NLGN1: variants seen among roughly 807,000 people sequenced by gnomAD.
NLGN1 encodes neuroligin-1.
A neutral mutation model predicts 65.5 loss-of-function variants in NLGN1; 12 were observed. That is an observed-to-expected ratio of 0.18 (90% CI 0.12 to 0.30). NLGN1 has a LOEUF of 0.30. Ranked by LOEUF, NLGN1 falls within the 10% of genes least tolerant of loss-of-function variation. NLGN1 has a pLI of 1.00. For synonymous variants in NLGN1, 350 were observed against 359.5 expected (o/e 0.97, Z 0.30); for missense variants, 750 against 1,007.1 (o/e 0.74, Z 3.46).
intron 3 of NLGN1, among the ~76,000 whole-genome samples, chr3:173,774,836 A>G (rs1780067482): frequency 6.6e-6 from 1 of 152,016 alleles, no homozygotes; most frequent in Admixed American, 6.6e-5. Flanking sequence ...GCCCCCTCGC[A>G]CGCACATTCT....
At chr3:173,890,167 T>G (rs1329754865) in intron 4 of NLGN1, among the ~76,000 whole-genome samples, 1 of 152,152 alleles carries the variant, frequency 6.6e-6, no homozygotes, top group Non-Finnish European at 1.5e-5. Context: ...TGCATTAACT[T>G]GGGTTGCAGG....
chr3:173,933,853 A>AC (rs1744572451), intron 4 of NLGN1, among the ~76,000 whole-genome samples: 1 of 152,064 alleles, frequency 6.6e-6, no homozygotes, highest in Admixed American at 6.6e-5. Flanking sequence ...TCTCAACCTC[A>AC]AAGGTTCAGT....
intron 3 of NLGN1, among the ~76,000 whole-genome samples, chr3:173,755,437 G>A (rs999618502): frequency 2.6e-5 from 4 of 151,994 alleles, no homozygotes; most frequent in Admixed American, 2.0e-4. Context: ...TTTTTTAAAG[G>A]AAAGAAATAT....
At chr3:174,069,083 G>A (rs1022331544) in intron 4 of NLGN1, among the ~76,000 whole-genome samples, 11 of 152,146 alleles carry the variant, frequency 7.2e-5, no homozygotes, top group Non-Finnish European at 1.2e-4. Context: ...TAGAAGACAG[G>A]AATGTTGCAC....
chr3:174,084,427 A>G (rs556988967), intron 4 of NLGN1, among the ~76,000 whole-genome samples: 145 of 152,266 alleles, frequency 9.5e-4, no homozygotes, highest in African/African-American at 3.3e-3. Flanking sequence ...TTTTTAAAAA[A>G]ATAAGACTTT....
intron 4 of NLGN1, among the ~76,000 whole-genome samples, chr3:174,132,175 T>G (rs1720339447): frequency 6.6e-6 from 1 of 152,174 alleles, no homozygotes; most frequent in Admixed American, 6.6e-5. Flanking sequence ...TAAGACTTGC[T>G]TTCACTTTAA....
At chr3:173,644,786 T>A (rs980731691) in intron 3 of NLGN1, 3 of 153,322 alleles carry the variant, frequency 2.0e-5, no homozygotes, top group African/African-American at 7.2e-5. Context: ...ACCAAGCTGG[T>A]GTATTGCGCC....
chr3:173,697,699 G>A (rs188655244), intron 3 of NLGN1, among the ~76,000 whole-genome samples: 11 of 152,076 alleles, frequency 7.2e-5, no homozygotes, highest in Admixed American at 7.2e-4. Flanking sequence ...GGCTAATTTT[G>A]TATTGTTTTT....
intron 4 of NLGN1, 64 bp downstream of exon 4, chr3:173,807,896 AC>A (rs1362143097): frequency 3.3e-6 from 5 of 1,521,368 alleles, no homozygotes; most frequent in Non-Finnish European, 4.5e-6. Flanking sequence ...TTTTGTTTTG[AC>A]TTGTTTTGTT....
chr3:173,665,679 A>G (rs933284761), intron 3 of NLGN1, among the ~76,000 whole-genome samples: 2 of 152,176 alleles, frequency 1.3e-5, no homozygotes, highest in Admixed American at 6.6e-5. Context: ...AATAGTTGCT[A>G]GGACAACATA....
chr3:174,065,177 T>C lies in NLGN1; in HGVS notation c.647-210138T>C, dbSNP rs188087496. On this transcript the variant is annotated intron_variant, in intron 4 of 6. Coordinates refer to ENST00000457714, the Ensembl canonical transcript of NLGN1. ...TTTTTCCATATGTAGATGTAAAATA[T>C]GACAGCATTTGCACAAATAATGAGA... 6.9e-3 allele frequency among the ~76,000 whole-genome samples: 1,057 copies of C among 152,136 alleles called. 4 individuals are homozygous for C. The highest frequency in any genetic ancestry group is 0.014 in the Middle Eastern group (4 of 290).
rs532817476 is a variant in NLGN1 at position 174,231,389 on chromosome 3, C to T, written c.647-43926C>T. ...AGAAACAGTGAGATTGGTTACAGCT[C>T]AGCGTTGGACTTCTTTGAATGCAGT... On this transcript the variant is annotated intron_variant, in intron 4 of 6. Coordinates refer to ENST00000457714, the Ensembl canonical transcript of NLGN1. 5.3e-5 allele frequency among the ~76,000 whole-genome samples: 8 copies of T among 152,274 alleles called. No individual in the cohort carries two copies. The South Asian group carries it at 1.7e-3, about 32-fold the overall frequency.
chr3:174,025,975 G>GT (rs1164580494), intron 4 of NLGN1, among the ~76,000 whole-genome samples: 1 of 152,002 alleles, frequency 6.6e-6, no homozygotes, highest in Admixed American at 6.6e-5. Context: ...TAAAATTAGA[G>GT]TTTTTTTGTC....
chr3:174,251,377 G>A (rs373003603), intron 4 of NLGN1, among the ~76,000 whole-genome samples: 1 of 152,142 alleles, frequency 6.6e-6, no homozygotes, highest in Non-Finnish European at 1.5e-5. Context: ...CTTTTGGTGA[G>A]CTGCCGCTAA....
At chr3:173,994,246 T>A (rs968788274) in intron 4 of NLGN1, among the ~76,000 whole-genome samples, 5 of 151,910 alleles carry the variant, frequency 3.3e-5, no homozygotes, top group Non-Finnish European at 7.4e-5. Context: ...CAGCTGAGAC[T>A]ACAAGAGTGC....
intron 2 of NLGN1, among the ~76,000 whole-genome samples, chr3:173,474,402 C>T (rs1405528429): frequency 6.6e-6 from 1 of 152,036 alleles, no homozygotes; most frequent in Non-Finnish European, 1.5e-5. Context: ...AAAAAAAAGC[C>T]CCAAACCCTT....
chr3:173,864,862 A>G, intron 4 of NLGN1, among the ~76,000 whole-genome samples: 1 of 152,176 alleles, frequency 6.6e-6, no homozygotes, highest in African/African-American at 2.4e-5. Context: ...GGGAATTGGA[A>G]TGGTGGAGGA....
chr3:174,201,375 G>A (rs1366433574), intron 4 of NLGN1, among the ~76,000 whole-genome samples: 1 of 119,564 alleles, frequency 8.4e-6, no homozygotes, highest in Non-Finnish European at 1.6e-5. Flanking sequence ...AGGAAGGAAG[G>A]AAAGAAGGAA....
chr3:174,188,934 G>GA (rs1485651218), intron 4 of NLGN1, among the ~76,000 whole-genome samples: 1 of 151,604 alleles, frequency 6.6e-6, no homozygotes, highest in Non-Finnish European at 1.5e-5. Context: ...TTTTGGTTAG[G>GA]AAAAAAATCA....
Sources: allele counts gnomAD v4.1 joint callset (sites outside exome capture counted in the v4.1 genomes callset), GRCh38; gene constraint gnomAD v4.1.1; transcripts MANE v1.5; gene names NCBI Gene and HGNC (gene_info 2026-07-23, HGNC 2026-07-21).